Variants in USP40 observed in about 807,000 individuals in gnomAD.
The protein encoded by USP40 is ubiquitin specific peptidase 40.
Under a neutral mutation model 166.2 loss-of-function variants are expected in USP40, and 143 were observed. That is an observed-to-expected ratio of 0.86 (90% CI 0.75 to 0.99). The LOEUF is 0.99. USP40 is among the 50% of genes least tolerant of loss of function. The probability of loss-of-function intolerance (pLI) is 0.00; values close to 1 mark genes in which losing one functional copy is unlikely to be tolerated. For synonymous variants in USP40, 498 were observed against 524.0 expected, an observed-to-expected ratio of 0.95 and a Z score of 0.68; for missense variants, 1,444 against 1,479.7, an observed-to-expected ratio of 0.98 and a Z score of 0.40.
chr2:233,556,085 C>T (rs935206037), intron 5 of USP40, among the ~76,000 whole-genome samples: 1 of 148,876 alleles, frequency 6.7e-6, no homozygotes, highest in African/African-American at 2.5e-5. Context: ...CACTGCACTC[C>T]AGCCTGGGCG....
At position 233,491,152 on chromosome 2, in the gene USP40, A is replaced by G. The variant is rs935825049; in HGVS notation, c.3012+15T>C. 3 of 1,571,142 alleles carry G rather than the reference A, an allele frequency of 1.9e-6. No individual in the cohort carries two copies. In the African/African-American group the frequency reaches 4.0e-5, roughly 21 times the overall value. ...CCACATTACCACTAAGTTATGGTGC[A>G]GGAAGAAGTCTGACCTGAGACTTCA... On this transcript the variant is annotated intron_variant, in intron 26 of 31. Transcript: ENST00000678225.
At chr2:233,566,010 A>C (rs1003518496) in intron 1 of USP40, among the ~76,000 whole-genome samples, 28 of 152,314 alleles carry the variant, frequency 1.8e-4, no homozygotes, top group African/African-American at 6.5e-4. Flanking sequence ...AATTCTGAGA[A>C]TCAACTCTCT....
chr2:233,551,464 T>C lies in USP40; in HGVS notation c.749A>G (p.Asn250Ser). Residue 250 changes from asparagine to serine, a missense_variant, in exon 7 of 32, where the codon AAT becomes AGT. Physicochemically the swap from Asn to Ser is conservative, Grantham distance 46. Coordinates refer to ENST00000678225, the MANE Select transcript of USP40 (RefSeq NM_001365479.2). ...GCGTTCGCATTTCACAAAATCAAAA[T>C]TAAATCTTAGTAATGAAACAGTAAG... ...PFLTVSLLRF[N>S]FDFVKCERYK... is the part of the protein sequence containing the mutation. 1 of 1,611,582 alleles carries C rather than the reference T, an allele frequency of 6.2e-7. No individual in the cohort carries two copies. Among genetic ancestry groups the C allele is most frequent in the Non-Finnish European group, 8.5e-7 (1 of 1,178,896 alleles).
At chr2:233,563,839 G>C (rs1193651253) in intron 2 of USP40, among the ~76,000 whole-genome samples, 1 of 152,142 alleles carries the variant, frequency 6.6e-6, no homozygotes, top group Non-Finnish European at 1.5e-5. Context: ...AATCCCCTCT[G>C]CTGGAGAGGA....
At chr2:233,488,199 T>C in intron 28 of USP40, 40 bp downstream of exon 28, 1 of 1,546,614 alleles carries the variant, frequency 6.5e-7, no homozygotes, top group Non-Finnish European at 8.8e-7. Context: ...GAGGTTAAGA[T>C]ACGTGTGTGT....
At chr2:233,544,927 A>C (rs1290619149) in intron 8 of USP40, among the ~76,000 whole-genome samples, 1 of 152,174 alleles carries the variant, frequency 6.6e-6, no homozygotes, top group East Asian at 1.9e-4. Flanking sequence ...TATTGCTCTA[A>C]AACCATCAAT....
chr2:233,559,763 C>T (rs2071409149), intron 4 of USP40, 48 bp downstream of exon 4: 1 of 1,357,626 alleles, frequency 7.4e-7, no homozygotes, highest in Non-Finnish European at 1.0e-6. Context: ...CAGCCTTATT[C>T]TTTCCTCTAT....
intron 8 of USP40, 179 bp from the exon 9 acceptor site, chr2:233,542,542 A>G (rs1051115683): frequency 2.1e-6 from 1 of 479,488 alleles, no homozygotes; most frequent in African/African-American, 2.0e-5. Flanking sequence ...AGACCAGCAC[A>G]CTCTACAAAA....
At chr2:233,508,677 T>A (rs897058082) in intron 21 of USP40, among the ~76,000 whole-genome samples, 1 of 152,210 alleles carries the variant, frequency 6.6e-6, no homozygotes, top group Non-Finnish European at 1.5e-5. Flanking sequence ...TGCCTTCATT[T>A]ATTAGTTGGA....
intron 24 of USP40, among the ~76,000 whole-genome samples, chr2:233,494,638 G>C (rs1195849755): frequency 6.6e-6 from 1 of 151,622 alleles, no homozygotes; most frequent in Non-Finnish European, 1.5e-5. Context: ...AGGCTGAGGT[G>C]GGAGGATCGA....
chr2:233,531,479 C>T (rs2068521176), intron 11 of USP40, among the ~76,000 whole-genome samples: 2 of 152,132 alleles, frequency 1.3e-5, no homozygotes, highest in Admixed American at 1.3e-4. Flanking sequence ...CAATTACGTA[C>T]ACACTAAAAT....
chr2:233,530,568 G>A (rs1026500832), intron 11 of USP40, among the ~76,000 whole-genome samples: 1 of 152,122 alleles, frequency 6.6e-6, no homozygotes, highest in Non-Finnish European at 1.5e-5. Context: ...CAAACTGATT[G>A]TATTCCATAC....
intron 18 of USP40, among the ~76,000 whole-genome samples, chr2:233,513,767 A>G (rs901386376): frequency 2.0e-5 from 3 of 152,076 alleles, no homozygotes; most frequent in Non-Finnish European, 2.9e-5. Flanking sequence ...TTGGAAGAAT[A>G]TATTTCCTCA....
chr2:233,516,861 T>C (rs1361850945), intron 18 of USP40, among the ~76,000 whole-genome samples: 1 of 146,854 alleles, frequency 6.8e-6, no homozygotes, highest in Non-Finnish European at 1.5e-5. Flanking sequence ...CGTCTCGAAT[T>C]GAAAAAAAAA....
At chr2:233,502,422 C>A (rs560373273) in intron 21 of USP40, among the ~76,000 whole-genome samples, 1 of 152,216 alleles carries the variant, frequency 6.6e-6, no homozygotes, top group African/African-American at 2.4e-5. Flanking sequence ...AGCTAAGTAA[C>A]CTCAATCCAA....
intron 15 of USP40, among the ~76,000 whole-genome samples, chr2:233,523,932 CACG>C (rs1330201882): frequency 1.3e-5 from 2 of 152,196 alleles, no homozygotes; most frequent in Non-Finnish European, 2.9e-5. Flanking sequence ...CAGTTCTTCA[CACG>C]ACGAGGGCCT....
intron 19 of USP40, 177 bp from the exon 20 acceptor site, chr2:233,511,974 T>C (rs2066873082): frequency 3.6e-6 from 2 of 550,134 alleles, no homozygotes; most frequent in East Asian, 3.1e-5. Flanking sequence ...TCAATTTCCA[T>C]ACTCTTAAGA....
At chr2:233,525,129 A>G (rs1389475953) in intron 14 of USP40, among the ~76,000 whole-genome samples, 1 of 152,248 alleles carries the variant, frequency 6.6e-6, no homozygotes, top group Admixed American at 6.5e-5. Flanking sequence ...AACTGGGCAG[A>G]AAATCAAGTC....
At chr2:233,512,159 T>C in intron 19 of USP40, 1 of 193,462 alleles carries the variant, frequency 5.2e-6, no homozygotes, top group Non-Finnish European at 1.0e-5. Context: ...AAGTTGAGAT[T>C]GTTATTACCA....
Sources: allele counts gnomAD v4.1 joint callset (sites outside exome capture counted in the v4.1 genomes callset), GRCh38; gene constraint gnomAD v4.1.1; transcripts MANE v1.5; gene names NCBI Gene and HGNC (gene_info 2026-07-23, HGNC 2026-07-21).